The following CCDC146 variants were observed in gnomAD, a reference collection of about 807,000 sequenced individuals.
CCDC146 encodes coiled-coil domain-containing protein 146.
A neutral mutation model predicts 119.3 loss-of-function variants in CCDC146; 92 were observed. That is an observed-to-expected ratio of 0.77 (90% CI 0.65 to 0.92). The LOEUF (loss-of-function observed/expected upper bound fraction) is 0.92, where lower values mean the gene tolerates loss of function less well. CCDC146 is among the 40% of genes least tolerant of loss of function. The pLI is 0.00. For synonymous variants in CCDC146, 372 were observed against 371.8 expected (o/e 1.00, Z -0.01); for missense variants, 1,000 against 1,103.0 (o/e 0.91, Z 1.32).
intron 17 of CCDC146, 112 bp from the exon 18 acceptor site, chr7:77,292,840 C>A: frequency 9.0e-7 from 1 of 1,111,392 alleles, no homozygotes; most frequent in Non-Finnish European, 1.3e-6. Flanking sequence ...AAGTTAGACC[C>A]TCCTTCCTTC....
chr7:77,293,239 C>A (rs775619863), intron 18 of CCDC146, 39 bp downstream of exon 18: 1 of 1,591,748 alleles, frequency 6.3e-7, no homozygotes, highest in South Asian at 1.1e-5. Context: ...TAAAGGGTGC[C>A]AGCAGGGGTT....
intron 4 of CCDC146, among the ~76,000 whole-genome samples, chr7:77,249,732 T>C (rs759955333): frequency 3.3e-5 from 5 of 152,184 alleles, no homozygotes; most frequent in Non-Finnish European, 5.9e-5. Flanking sequence ...AGCATATAAT[T>C]TGAGTCTTGT....
chr7:77,263,950 CAGTG>C (rs1793351818), intron 9 of CCDC146, among the ~76,000 whole-genome samples: 1 of 152,078 alleles, frequency 6.6e-6, no homozygotes, highest in Non-Finnish European at 1.5e-5. Flanking sequence ...TTTTCTATCT[CAGTG>C]AGGCAAAATG....
intron 2 of CCDC146, among the ~76,000 whole-genome samples, chr7:77,205,845 A>G (rs1219913954): frequency 6.6e-6 from 1 of 152,218 alleles, no homozygotes; most frequent in Non-Finnish European, 1.5e-5. Flanking sequence ...ATTATTTCTT[A>G]AAATGTCTTT....
At position 77,261,501 on chromosome 7, in the gene CCDC146, C is replaced by T. The variant is rs369395755; in HGVS notation, c.987-620C>T. 1.1e-4 allele frequency among the ~76,000 whole-genome samples: 17 copies of T among 152,262 alleles called. No homozygotes were observed. The East Asian group carries it at 1.9e-3, about 17-fold the overall frequency. ...TTTTTTATTTTTTGAGACGGAGTCTCGCTCTGTCGCCCAGGCCGGACTGCG... is the reference window on the plus strand; with the variant it reads ...TTTTTTATTTTTTGAGACGGAGTCTTGCTCTGTCGCCCAGGCCGGACTGCG... On this transcript the variant is annotated intron_variant, in intron 8 of 18. Coordinates refer to ENST00000285871, the MANE Select transcript of CCDC146 (RefSeq NM_020879.3).
At chr7:77,126,271 T>A (rs1303805538) in intron 1 of CCDC146, among the ~76,000 whole-genome samples, 1 of 151,914 alleles carries the variant, frequency 6.6e-6, no homozygotes, top group East Asian at 1.9e-4. Context: ...TTTTCAAGTG[T>A]TTCATTCCCT....
chr7:77,197,215 A>T (rs956613100), intron 2 of CCDC146, among the ~76,000 whole-genome samples: 3 of 152,264 alleles, frequency 2.0e-5, no homozygotes, highest in Non-Finnish European at 4.4e-5. Flanking sequence ...TAATAATGAC[A>T]GCATCAACAG....
chr7:77,124,878 G>T (rs1443052982), intron 1 of CCDC146, among the ~76,000 whole-genome samples: 1 of 152,170 alleles, frequency 6.6e-6, no homozygotes, highest in African/African-American at 2.4e-5. Context: ...TTACTTGTAA[G>T]AGAAAATAAT....
intron 2 of CCDC146, among the ~76,000 whole-genome samples, chr7:77,187,102 C>T (rs945957960): frequency 6.6e-6 from 1 of 152,166 alleles, no homozygotes; most frequent in Non-Finnish European, 1.5e-5. Context: ...TTTAACAATT[C>T]TCCACTTTTG....
chr7:77,146,835 C>T (rs1452107057), intron 1 of CCDC146, among the ~76,000 whole-genome samples: 1 of 152,110 alleles, frequency 6.6e-6, no homozygotes, highest in African/African-American at 2.4e-5. Flanking sequence ...CTCTGGCTGC[C>T]CTTAACATTT....
At chr7:77,126,230 G>A (rs112826295) in intron 1 of CCDC146, among the ~76,000 whole-genome samples, 1,900 of 150,378 alleles carry the variant, frequency 0.013, 48 homozygotes, top group African/African-American at 0.045. Flanking sequence ...TTTTTCTTCT[G>A]ATTTATTGAT....
chr7:77,213,819 G>A (rs565506638), intron 2 of CCDC146, among the ~76,000 whole-genome samples: 1 of 152,276 alleles, frequency 6.6e-6, no homozygotes, highest in Admixed American at 6.5e-5. Context: ...TTTTATGACT[G>A]CATAGTATTC....
chr7:77,144,629 G>A (rs1790986751), intron 1 of CCDC146, among the ~76,000 whole-genome samples: 1 of 151,730 alleles, frequency 6.6e-6, no homozygotes, highest in African/African-American at 2.4e-5. Context: ...AGCATGAAGA[G>A]CTGTTGAATT....
intron 15 of CCDC146, among the ~76,000 whole-genome samples, chr7:77,285,191 A>G (rs1793827580): frequency 6.6e-6 from 1 of 152,162 alleles, no homozygotes; most frequent in Non-Finnish European, 1.5e-5. Flanking sequence ...ACTATTTTAC[A>G]TAGACAGAGT....
chr7:77,264,976 T>G (rs998128567), intron 9 of CCDC146, among the ~76,000 whole-genome samples: 5 of 152,230 alleles, frequency 3.3e-5, no homozygotes, highest in Non-Finnish European at 7.3e-5. Flanking sequence ...CTAATACCTT[T>G]GATGATTTTA....
rs778941463 is a variant in CCDC146 at position 77,286,849 on chromosome 7, C to G, written c.2200C>G (p.Pro734Ala). ...IKDLEKQFVK[P>A]DGENRARFLP... ...AGACCTGGAGAAACAGTTCGTAAAGCCTGATGGTGAGAATAGAGCTCGCTT... is the reference window on the plus strand; with the variant it reads ...AGACCTGGAGAAACAGTTCGTAAAGGCTGATGGTGAGAATAGAGCTCGCTT... The change falls in exon 16 of 19, where the codon CCT becomes GCT. Residue 734 changes from proline to alanine, a missense_variant. Coordinates refer to ENST00000285871, the MANE Select transcript of CCDC146 (RefSeq NM_020879.3). 2.2e-5 allele frequency: 35 copies of G among 1,613,686 alleles called. No homozygotes were observed. The highest frequency in any genetic ancestry group is 2.7e-5 in the Non-Finnish European group (32 of 1,179,712).
At chr7:77,134,551 GTGTGTGTGTGTC>G (rs1304881133) in intron 1 of CCDC146, among the ~76,000 whole-genome samples, 1 of 114,084 alleles carries the variant, frequency 8.8e-6, no homozygotes, top group Admixed American at 9.0e-5. Context: ...CTGTGTGTGT[GTGTGTGTGTGTC>G]TGTGTGTGTG....
Position 77,149,953 on chromosome 7 carries a change from A to T in CCDC146, c.-11-17705A>T, listed in dbSNP as rs3095453. Among the ~76,000 whole-genome samples the T allele has an allele frequency of 2.0e-4, 31 of 151,750 alleles. 1 individual carries two copies. The highest frequency in any genetic ancestry group is 7.2e-4 in the African/African-American group (30 of 41,428). The stretch of plus-strand genomic sequence containing the variant: ...AAAGGTGTCTTGAGAATTCAATGGG[A>T]AGAAGATCTTTTTTTTCAACAAATG... On this transcript the variant is annotated intron_variant, in intron 1 of 18. Coordinates refer to ENST00000285871, the MANE Select transcript of CCDC146 (RefSeq NM_020879.3).
At chr7:77,158,580 C>T (rs184150180) in intron 1 of CCDC146, among the ~76,000 whole-genome samples, 17 of 152,118 alleles carry the variant, frequency 1.1e-4, no homozygotes, top group South Asian at 4.2e-4. Flanking sequence ...AGTGCAGTGG[C>T]GCTATCTCGG....
Sources: gnomAD v4.1 joint callset for allele counts (sites outside exome capture counted in the v4.1 genomes callset) on GRCh38, gnomAD v4.1.1 for gene constraint, MANE v1.5 for transcripts, NCBI Gene and HGNC (gene_info 2026-07-23, HGNC 2026-07-21) for gene names.